MVB12B: variants seen among roughly 807,000 people sequenced by gnomAD.
The protein encoded by MVB12B is ESCRT-I complex subunit MVB12B.
A neutral mutation model predicts 41.6 loss-of-function variants in MVB12B; 16 were observed. That is an observed-to-expected ratio of 0.38 (90% CI 0.26 to 0.58). The LOEUF (loss-of-function observed/expected upper bound fraction) is 0.58. MVB12B is among the 20% of genes least tolerant of loss of function. The pLI, the probability that MVB12B is intolerant of heterozygous loss-of-function variation, is 0.62. For missense variants in MVB12B, 274 were observed against 380.2 expected (o/e 0.72, Z 2.32); for synonymous variants, 133 against 139.7 (o/e 0.95, Z 0.34).
chr9:126,357,657 T>C (rs553180288), intron 2 of MVB12B, among the ~76,000 whole-genome samples: 7 of 152,264 alleles, frequency 4.6e-5, no homozygotes, highest in Admixed American at 3.9e-4. Flanking sequence ...TCTGTTCAAA[T>C]TTTTTACCTG....
In MVB12B at chr9:126,339,748, T is replaced by C. The variant is rs1317220923; in HGVS notation, c.82-760T>C. Among the ~76,000 whole-genome samples, 11 of 152,340 alleles carry C rather than the reference T, an allele frequency of 7.2e-5. No homozygotes were observed. The East Asian group carries it at 2.1e-3, about 29-fold the overall frequency. On this transcript the variant is annotated intron_variant, in intron 1 of 9. Coordinates refer to ENST00000361171, the MANE Select transcript of MVB12B (RefSeq NM_033446.3). ...ATTTCTGACCAGTTACCTGGACTTG[T>C]GTGTCCCAAACCCCACCAGTTTTAT...
chr9:126,491,847 C>T (rs2119222760), intron 9 of MVB12B, among the ~76,000 whole-genome samples: 1 of 152,200 alleles, frequency 6.6e-6, no homozygotes, highest in Admixed American at 6.5e-5. Flanking sequence ...CAGGATATAG[C>T]TTGGGACCAC....
At chr9:126,428,566 G>T (rs1332222522) in intron 7 of MVB12B, among the ~76,000 whole-genome samples, 1 of 152,148 alleles carries the variant, frequency 6.6e-6, no homozygotes, top group Non-Finnish European at 1.5e-5. Context: ...AGGAAGCACT[G>T]CAGGGTTGGG....
intron 7 of MVB12B, among the ~76,000 whole-genome samples, chr9:126,458,289 G>A (rs1698986795): frequency 6.6e-6 from 1 of 152,198 alleles, no homozygotes; most frequent in Non-Finnish European, 1.5e-5. Context: ...CAGGACAAAT[G>A]AGATAATGGG....
chr9:126,456,934 G>A (rs557032877), intron 7 of MVB12B, among the ~76,000 whole-genome samples: 92 of 152,218 alleles, frequency 6.0e-4, no homozygotes, highest in Middle Eastern at 3.4e-3. Flanking sequence ...TATGGGCCCC[G>A]GCTTCGTCCT....
intron 7 of MVB12B, among the ~76,000 whole-genome samples, chr9:126,437,792 GTTAA>G (rs1832525815): frequency 6.6e-6 from 1 of 152,176 alleles, no homozygotes; most frequent in Non-Finnish European, 1.5e-5. Flanking sequence ...ATAGAAATCA[GTTAA>G]TTGTTCCAGA....
At chr9:126,476,203 C>T (rs1027029475) in intron 7 of MVB12B, among the ~76,000 whole-genome samples, 6 of 152,262 alleles carry the variant, frequency 3.9e-5, no homozygotes, top group South Asian at 2.1e-4. Flanking sequence ...CACATCTCAT[C>T]TTTGCCTCCT....
chr9:126,395,562 T>C lies in MVB12B; in HGVS notation c.540-13T>C, dbSNP rs1379404409. ...CTAACCAGAGCCATGAAGATTTCTC[T>C]TTTTTCCTAAAGGGAACTGAACAGC... On this transcript the variant is annotated splice_polypyrimidine_tract_variant and intron_variant, in intron 5 of 9. Transcript: ENST00000361171. The surrounding 1 kb of genome is among the most constrained non-coding windows in gnomAD (Gnocchi z 4.9). 1 of 1,614,052 alleles carries C rather than the reference T, an allele frequency of 6.2e-7. No homozygotes were observed. The highest frequency in any genetic ancestry group is 1.7e-5 in the Admixed American group (1 of 60,006).
rs549619547 is a variant in MVB12B, at chr9:126,502,427, G to A, written c.874-750G>A. On this transcript the variant is annotated intron_variant, in intron 9 of 9. Transcript: ENST00000361171. The stretch of plus-strand genomic sequence containing the variant: ...CCTTCTCTAAATTTCCATCAGACTT[G>A]GAACGCGATTTAGTGAGCCAGGGTC... Among the ~76,000 whole-genome samples, 4 of 152,284 alleles carry A rather than the reference G, an allele frequency of 2.6e-5. No homozygotes were observed. The South Asian group carries it at 8.3e-4, about 32-fold the overall frequency.
At chr9:126,484,238 A>G (rs1254574967) in intron 9 of MVB12B, among the ~76,000 whole-genome samples, 1 of 152,260 alleles carries the variant, frequency 6.6e-6, no homozygotes, top group Non-Finnish European at 1.5e-5. Context: ...CTTCCAGTCA[A>G]ATATGACCCA....
chr9:126,336,331 G>A (rs1829273079), intron 1 of MVB12B, among the ~76,000 whole-genome samples: 1 of 152,240 alleles, frequency 6.6e-6, no homozygotes, highest in African/African-American at 2.4e-5. Flanking sequence ...CTCCCAGACT[G>A]GGGCCGGGAG....
Position 126,436,747 on chromosome 9 carries a change from G to T in MVB12B, c.757+14799G>T, listed in dbSNP as rs1454319294. On this transcript the variant is annotated intron_variant, in intron 7 of 9. Transcript: ENST00000361171. This position sits in a 1 kb window ranked among gnomAD's most constrained non-coding sequence, Gnocchi z 4.1. Reference sequence around the variant, plus strand: ...CTTGTGGGCACAGTGGCTGGCCCCTGCAGAGCCTAAGGGGCACTCCACTCA... The same window carrying T: ...CTTGTGGGCACAGTGGCTGGCCCCTTCAGAGCCTAAGGGGCACTCCACTCA... 2.6e-5 allele frequency among the ~76,000 whole-genome samples: 4 copies of T among 152,198 alleles called. No homozygotes were observed. Among genetic ancestry groups the T allele is most frequent in the African/African-American group, 9.7e-5 (4 of 41,434 alleles).
chr9:126,471,327 C>G (rs564877964), intron 7 of MVB12B, among the ~76,000 whole-genome samples: 58 of 152,262 alleles, frequency 3.8e-4, no homozygotes, highest in Non-Finnish European at 6.6e-4. Flanking sequence ...ATACGGCCAA[C>G]AAGCACTGGG....
intron 2 of MVB12B, among the ~76,000 whole-genome samples, chr9:126,351,483 C>CTTTTTTTTTTTTTTT (rs34141510): frequency 5.8e-5 from 5 of 86,300 alleles, no homozygotes; most frequent in Non-Finnish European, 1.0e-4. Flanking sequence ...GTCTTTCACT[C>CTTTTTTTTTTTTTTT]TTTTTTTTTT....
chr9:126,502,395 C>T (rs1406511940), intron 9 of MVB12B, among the ~76,000 whole-genome samples: 1 of 152,156 alleles, frequency 6.6e-6, no homozygotes, highest in East Asian at 1.9e-4. Flanking sequence ...CTCAGAGGTA[C>T]TTAACCCCTT....
At chr9:126,354,548 C>T (rs758749813) in intron 2 of MVB12B, among the ~76,000 whole-genome samples, 1 of 152,108 alleles carries the variant, frequency 6.6e-6, no homozygotes, top group African/African-American at 2.4e-5. Flanking sequence ...CAGCAGATAC[C>T]ACTGTAAGCG....
chr9:126,341,262 G>A (rs1829437421), intron 2 of MVB12B, among the ~76,000 whole-genome samples: 1 of 152,198 alleles, frequency 6.6e-6, no homozygotes, highest in Admixed American at 6.5e-5. Context: ...GCAGACATCT[G>A]TGCTGGTGTT....
chr9:126,403,173 C>G (rs1350437864), intron 6 of MVB12B, among the ~76,000 whole-genome samples: 1 of 152,194 alleles, frequency 6.6e-6, no homozygotes, highest in Non-Finnish European at 1.5e-5. Flanking sequence ...TTTCCTCAAT[C>G]GAGAACTTCA....
chr9:126,426,179 A>G (rs1832170797), intron 7 of MVB12B, among the ~76,000 whole-genome samples: 1 of 152,016 alleles, frequency 6.6e-6, no homozygotes, highest in Non-Finnish European at 1.5e-5. Context: ...CTAAATATTT[A>G]CTCTCTGGCC....
Sources: allele counts gnomAD v4.1 joint callset (sites outside exome capture counted in the v4.1 genomes callset), GRCh38; gene constraint gnomAD v4.1.1; non-coding constraint Gnocchi (gnomAD v3.1); transcripts MANE v1.5; gene names NCBI Gene and HGNC (gene_info 2026-07-23, HGNC 2026-07-21).